CLSTN1: variants seen among roughly 807,000 people sequenced by gnomAD.
CLSTN1 encodes the protein calsyntenin-1.
CLSTN1 carries 28 observed loss-of-function variants against 108.3 expected under a neutral mutation model. The observed-to-expected ratio is 0.26, with a 90% confidence interval of 0.19 to 0.35. CLSTN1 has a LOEUF of 0.35. CLSTN1 is among the 10% of genes least tolerant of loss of function. The probability of loss-of-function intolerance (pLI) is 1.00; values close to 1 mark genes in which losing one functional copy is unlikely to be tolerated. For synonymous variants in CLSTN1, 524 were observed against 534.9 expected (o/e 0.98, Z 0.28); for missense variants, 1,157 against 1,302.6 (o/e 0.89, Z 1.72).
intron 1 of CLSTN1, among the ~76,000 whole-genome samples, chr1:9,779,535 C>T (rs1175189894): frequency 6.6e-6 from 1 of 152,100 alleles, no homozygotes; most frequent in Non-Finnish European, 1.5e-5. Flanking sequence ...ATGGAGAAAC[C>T]ATGGAGTTTG....
chr1:9,790,923 GGAGATC>G (rs1653738087), intron 1 of CLSTN1, among the ~76,000 whole-genome samples: 1 of 151,176 alleles, frequency 6.6e-6, no homozygotes, highest in Admixed American at 6.7e-5. Flanking sequence ...CATGAGGTCA[GGAGATC>G]GAGATCATCC....
At chr1:9,783,645 C>A (rs1653350956) in intron 1 of CLSTN1, among the ~76,000 whole-genome samples, 1 of 151,668 alleles carries the variant, frequency 6.6e-6, no homozygotes, top group South Asian at 2.1e-4. Context: ...CACCTGAGGT[C>A]AGGAGTTCGA....
intron 2 of CLSTN1, among the ~76,000 whole-genome samples, chr1:9,767,850 T>C (rs1652424739): frequency 6.6e-6 from 1 of 152,150 alleles, no homozygotes; most frequent in African/African-American, 2.4e-5. Flanking sequence ...AAATGTTAAG[T>C]GAAAAAATAT....
intron 1 of CLSTN1, among the ~76,000 whole-genome samples, chr1:9,790,086 C>T (rs1194266832): frequency 1.3e-5 from 2 of 151,452 alleles, no homozygotes; most frequent in African/African-American, 4.8e-5. Context: ...TATTTATCTG[C>T]TTGTTTGGTG....
chr1:9,739,326 C>A (rs1406705274), intron 10 of CLSTN1, among the ~76,000 whole-genome samples: 2 of 152,226 alleles, frequency 1.3e-5, no homozygotes, highest in Non-Finnish European at 2.9e-5. Flanking sequence ...TTGGAACTTA[C>A]ACCACTGTTG....
chr1:9,753,692 T>C (rs1570454641), intron 4 of CLSTN1, among the ~76,000 whole-genome samples: 1 of 152,088 alleles, frequency 6.6e-6, no homozygotes, highest in South Asian at 2.1e-4. Flanking sequence ...GGTTTCTCCA[T>C]GTTGGCCAGG....
At chr1:9,822,989 G>A (rs1655246734) in intron 1 of CLSTN1, among the ~76,000 whole-genome samples, 1 of 152,204 alleles carries the variant, frequency 6.6e-6, no homozygotes, top group South Asian at 2.1e-4. Context: ...TCACCTTTGG[G>A]TGAAAAGGTG....
At chr1:9,749,060 T>A (rs1005337488) in intron 7 of CLSTN1, among the ~76,000 whole-genome samples, 3 of 151,622 alleles carry the variant, frequency 2.0e-5, no homozygotes, top group African/African-American at 4.8e-5. Context: ...CATGCCACCA[T>A]CCCCAGTTAA....
At chr1:9,752,082 A>G (rs921435283) in intron 4 of CLSTN1, among the ~76,000 whole-genome samples, 2 of 152,166 alleles carry the variant, frequency 1.3e-5, no homozygotes, top group Non-Finnish European at 2.9e-5. Context: ...AAATCCAGAA[A>G]AAAAATAGAG....
intron 1 of CLSTN1, among the ~76,000 whole-genome samples, chr1:9,793,073 T>C (rs184110830): frequency 7.7e-4 from 117 of 151,348 alleles, no homozygotes; most frequent in African/African-American, 2.7e-3. Context: ...AGTGCAGTGG[T>C]GTGATCTCAG....
At chr1:9,755,710 G>C (rs562850704) in intron 3 of CLSTN1, among the ~76,000 whole-genome samples, 1 of 152,098 alleles carries the variant, frequency 6.6e-6, no homozygotes, top group East Asian at 1.9e-4. Context: ...GTTTGATTTG[G>C]ACCAGAGAGA....
chr1:9,812,351 C>T (rs12072320), intron 1 of CLSTN1, among the ~76,000 whole-genome samples: 6,200 of 152,158 alleles, frequency 0.041, 395 homozygotes, highest in African/African-American at 0.14. Flanking sequence ...AGGCAGGACT[C>T]TTTTCCCAAG....
chr1:9,797,673 AT>A (rs1212895196), intron 1 of CLSTN1, among the ~76,000 whole-genome samples: 1 of 152,056 alleles, frequency 6.6e-6, no homozygotes, highest in Non-Finnish European at 1.5e-5. Flanking sequence ...GCTGGTGGAG[AT>A]TTTGGAAACA....
chr1:9,750,958 G>C (rs112690867), intron 5 of CLSTN1, among the ~76,000 whole-genome samples: 3 of 151,976 alleles, frequency 2.0e-5, no homozygotes, highest in African/African-American at 7.2e-5. Flanking sequence ...CCAGCTACTC[G>C]AGAGGCTAAG....
intron 9 of CLSTN1, 141 bp from the exon 10 acceptor site, chr1:9,741,397 A>C: frequency 1.3e-6 from 1 of 786,644 alleles, no homozygotes. Context: ...ATATCTGCAA[A>C]TACATCTCAC....
At chr1:9,733,635 T>G in intron 15 of CLSTN1, 89 bp from the exon 16 acceptor site, 1 of 1,515,158 alleles carries the variant, frequency 6.6e-7, no homozygotes, top group Non-Finnish European at 9.1e-7. Context: ...CAGGCTCAAT[T>G]AGACACCCAG....
At chr1:9,756,674 T>A (rs1420780445) in intron 2 of CLSTN1, among the ~76,000 whole-genome samples, 164 bp from the exon 3 acceptor site, 1 of 152,230 alleles carries the variant, frequency 6.6e-6, no homozygotes, top group Non-Finnish European at 1.5e-5. Flanking sequence ...AGGAACAAAA[T>A]GTCACTTTGA....
intron 1 of CLSTN1, among the ~76,000 whole-genome samples, chr1:9,778,314 C>T (rs1196047654): frequency 1.3e-5 from 2 of 150,734 alleles, no homozygotes; most frequent in African/African-American, 4.9e-5. Flanking sequence ...ATTCCCAGTA[C>T]CTGGAATTAT....
At chr1:9,780,510 C>T (rs1451106639) in intron 1 of CLSTN1, among the ~76,000 whole-genome samples, 1 of 152,118 alleles carries the variant, frequency 6.6e-6, no homozygotes, top group African/African-American at 2.4e-5. Flanking sequence ...TAACTATGTT[C>T]CCAGTATTCC....
Sources: allele counts gnomAD v4.1 joint callset (sites outside exome capture counted in the v4.1 genomes callset), GRCh38; gene constraint gnomAD v4.1.1; transcripts MANE v1.5; gene names NCBI Gene and HGNC (gene_info 2026-07-23, HGNC 2026-07-21).